The following FAT3 variants were observed in gnomAD, a reference collection of about 807,000 sequenced individuals.
FAT3 encodes FAT atypical cadherin 3, also known as protocadherin Fat 3.
Under a neutral mutation model 310.2 loss-of-function variants are expected in FAT3, and 95 were observed. The observed-to-expected ratio is 0.31, with a 90% confidence interval of 0.26 to 0.36. The LOEUF is 0.36. Among genes scored for constraint, FAT3 ranks in the 10% least tolerant of loss-of-function variants. The pLI is 1.00. For missense variants in FAT3, 5,408 were observed against 5,715.6 expected (o/e 0.95, Z 1.74); for synonymous variants, 2,314 against 2,192.9 (o/e 1.06, Z -1.54).
chr11:92,684,850 A>T (rs567517189), intron 3 of FAT3, among the ~76,000 whole-genome samples: 1 of 152,134 alleles, frequency 6.6e-6, no homozygotes, highest in East Asian at 1.9e-4. Flanking sequence ...TTCTTTTCTG[A>T]ACAAGAAACT....
At chr11:92,697,347 A>G (rs1306643498) in intron 3 of FAT3, 37 bp from the exon 4 acceptor site, 5 of 1,598,234 alleles carry the variant, frequency 3.1e-6, no homozygotes, top group Non-Finnish European at 4.3e-6. Context: ...TGTTTGCCCC[A>G]GATATTTAAA....
At chr11:92,837,922 A>T in intron 17 of FAT3, 116 bp downstream of exon 17, 1 of 1,271,434 alleles carries the variant, frequency 7.9e-7, no homozygotes, top group Non-Finnish European at 1.1e-6. Context: ...TCATCCCTTC[A>T]TAGGGCAGGT....
intron 11 of FAT3, among the ~76,000 whole-genome samples, 185 bp downstream of exon 11, chr11:92,805,534 A>G (rs982926978): frequency 6.6e-6 from 1 of 151,732 alleles, no homozygotes; most frequent in Non-Finnish European, 1.5e-5. Flanking sequence ...TATAGGTAGC[A>G]AGATCAGATA....
chr11:92,737,710 A>AT (rs144755259), intron 4 of FAT3, among the ~76,000 whole-genome samples: 4 of 149,832 alleles, frequency 2.7e-5, no homozygotes, highest in African/African-American at 7.3e-5. Context: ...TTTCAGTTAG[A>AT]TTTTTTTTTA....
intron 3 of FAT3, among the ~76,000 whole-genome samples, chr11:92,671,749 T>C (rs1317309296): frequency 6.6e-6 from 1 of 152,172 alleles, no homozygotes; most frequent in Non-Finnish European, 1.5e-5. Flanking sequence ...TATATCCCTT[T>C]ACATTTGAGT....
chr11:92,359,102 G>A (rs1010332617), intron 2 of FAT3, among the ~76,000 whole-genome samples: 5 of 152,108 alleles, frequency 3.3e-5, no homozygotes, highest in Admixed American at 6.5e-5. Context: ...CAGTAGGTCT[G>A]GAGTGGGAGC....
chr11:92,282,126 A>C (rs1408681795), intron 1 of FAT3, among the ~76,000 whole-genome samples: 1 of 151,930 alleles, frequency 6.6e-6, no homozygotes, highest in African/African-American at 2.4e-5. Context: ...GGCTGGCCTT[A>C]AACTCCTGAC....
chr11:92,706,083 G>A (rs937072839), intron 4 of FAT3, among the ~76,000 whole-genome samples: 1 of 151,360 alleles, frequency 6.6e-6, no homozygotes, highest in African/African-American at 2.4e-5. Context: ...CTGTGATGGT[G>A]GAGATGGTGT....
intron 14 of FAT3, among the ~76,000 whole-genome samples, chr11:92,832,961 C>T (rs774843873): frequency 6.6e-6 from 1 of 152,178 alleles, no homozygotes; most frequent in African/African-American, 2.4e-5. Flanking sequence ...TCACCACATC[C>T]TTTTCCAACT....
rs117811433 is a variant in FAT3 at position 92,515,305 on chromosome 11, G to A, written c.3293-9329G>A. On this transcript the variant is annotated intron_variant, in intron 2 of 27. Transcript: ENST00000525166. ...CTGCCTATCTTTATAAATAAAAACA[G>A]ACTCTCTTTGAAGAGAGTCAGTAAT... 2.7e-4 allele frequency among the ~76,000 whole-genome samples: 41 copies of A among 152,112 alleles called. No homozygotes were observed. In the East Asian group the frequency reaches 7.9e-3, roughly 29 times the overall value.
At chr11:92,456,886 C>G (rs1245718759) in intron 2 of FAT3, among the ~76,000 whole-genome samples, 2 of 152,120 alleles carry the variant, frequency 1.3e-5, no homozygotes, top group Non-Finnish European at 2.9e-5. Context: ...TAGGATGAGA[C>G]TGCCTTATGC....
chr11:92,370,600 T>G (rs1165310881), intron 2 of FAT3, among the ~76,000 whole-genome samples: 1 of 152,214 alleles, frequency 6.6e-6, no homozygotes, highest in African/African-American at 2.4e-5. Flanking sequence ...TTATTAAATA[T>G]TGGATAACCA....
chr11:92,662,449 C>T (rs1942818707), intron 3 of FAT3, among the ~76,000 whole-genome samples: 1 of 152,122 alleles, frequency 6.6e-6, no homozygotes, highest in African/African-American at 2.4e-5. Flanking sequence ...AGAGGTTGAG[C>T]CATGTTGTTT....
chr11:92,697,557 A>C (rs3911560), intron 4 of FAT3, 112 bp downstream of exon 4: 29,847 of 1,051,568 alleles, frequency 0.028, 1,401 homozygotes, highest in East Asian at 0.19. Flanking sequence ...ATCAAAGTGA[A>C]GATATTTCTC....
chr11:92,338,509 A>G (rs1174041474), intron 1 of FAT3, among the ~76,000 whole-genome samples: 1 of 152,102 alleles, frequency 6.6e-6, no homozygotes, highest in Non-Finnish European at 1.5e-5. Context: ...CTCGTAAACC[A>G]TGCTGCAGAG....
At chr11:92,652,112 T>C (rs73556430) in intron 3 of FAT3, among the ~76,000 whole-genome samples, 3 of 152,136 alleles carry the variant, frequency 2.0e-5, no homozygotes, top group Non-Finnish European at 4.4e-5. Context: ...GTTTTATGTC[T>C]TTTATATACA....
At chr11:92,446,519 C>T (rs960576309) in intron 2 of FAT3, among the ~76,000 whole-genome samples, 1 of 151,610 alleles carries the variant, frequency 6.6e-6, no homozygotes, top group Non-Finnish European at 1.5e-5. Flanking sequence ...GATTTTCTAA[C>T]CAATATCAAG....
At chr11:92,570,079 T>C (rs995090304) in intron 3 of FAT3, among the ~76,000 whole-genome samples, 7 of 152,208 alleles carry the variant, frequency 4.6e-5, no homozygotes, top group African/African-American at 1.7e-4. Context: ...GACAGTCATT[T>C]TGGTGCCATG....
At chr11:92,852,858 G>C (rs1351572201) in intron 19 of FAT3, among the ~76,000 whole-genome samples, 1 of 152,168 alleles carries the variant, frequency 6.6e-6, no homozygotes, top group East Asian at 1.9e-4. Context: ...AAGAAAAAGA[G>C]CTATGAGGCT....
Sources: allele counts gnomAD v4.1 joint callset (sites outside exome capture counted in the v4.1 genomes callset), GRCh38; gene constraint gnomAD v4.1.1; transcripts MANE v1.5; gene names NCBI Gene and HGNC (gene_info 2026-07-23, HGNC 2026-07-21).